The following TRMT61B variants were observed in gnomAD, a reference collection of about 807,000 sequenced individuals.
TRMT61B encodes the protein tRNA (adenine(58)-N(1))-methyltransferase, mitochondrial.
Under a neutral mutation model 52.0 loss-of-function variants are expected in TRMT61B, and 56 were observed. The observed-to-expected ratio is 1.08, with a 90% confidence interval of 0.87 to 1.35. TRMT61B has a LOEUF of 1.35. TRMT61B is among the 40% of genes most tolerant of loss of function. The probability of loss-of-function intolerance (pLI) is 0.00; values close to 1 mark genes in which losing one functional copy is unlikely to be tolerated. For synonymous variants in TRMT61B, 206 were observed against 220.0 expected (o/e 0.94, Z 0.56); for missense variants, 650 against 577.9 (o/e 1.12, Z -1.28).
intron 2 of TRMT61B, chr2:28,861,559 T>C (rs1669598204): frequency 2.3e-6 from 1 of 429,508 alleles, no homozygotes; most frequent in Non-Finnish European, 4.2e-6. Context: ...CTCTCTGTGT[T>C]TTTAATACAC....
rs1232315113 is a variant in TRMT61B, at chr2:28,869,749, A to G, written c.529T>C (p.Phe177Leu). The G allele has an allele frequency of 2.5e-6, 4 of 1,614,180 alleles. No individual in the cohort carries two copies. The highest frequency in any genetic ancestry group is 3.4e-6 in the Non-Finnish European group (4 of 1,180,036). ...KFKKLFRLNN[F>L]GLLNSNWGAV... ...CCCCAGTTACTATTTAAGAGTCCGA[A>G]GTTGTTCAACCTAAATAATTTCTTA... The change falls in exon 1 of 7, where the codon TTC becomes CTC. Residue 177 changes from phenylalanine (F) to leucine (L), a missense_variant. Phe to Leu is a conservative substitution (Grantham distance 22). Transcript: ENST00000306108.
At position 28,852,507 on chromosome 2, in the gene TRMT61B, G is replaced by A. The variant is rs760834028; in HGVS notation, c.994-8C>T. ...TAACATATCCAAAGCTACCTGTGTG[G>A]GGGAAAAAGAGAACTGGATCAGTCT... On this transcript the variant is annotated splice_polypyrimidine_tract_variant and splice_region_variant and intron_variant, in intron 3 of 6. Transcript: ENST00000306108. The A allele has an allele frequency of 1.9e-6, 3 of 1,575,742 alleles. No homozygotes were observed. Among genetic ancestry groups the A allele is most frequent in the Non-Finnish European group, 2.6e-6 (3 of 1,153,902 alleles).
intron 1 of TRMT61B, among the ~76,000 whole-genome samples, chr2:28,867,800 T>G (rs1280938001): frequency 2.6e-5 from 4 of 152,090 alleles, no homozygotes; most frequent in Non-Finnish European, 5.9e-5. Flanking sequence ...CGTTCTCACC[T>G]GTAATCCCAG....
Position 28,852,408 on chromosome 2 carries a change from T to G in TRMT61B, c.1085A>C (p.Asn362Thr). Residue 362 changes from asparagine to threonine, a missense_variant and splice_region_variant, in exon 4 of 7, where the codon AAC becomes ACC. Transcript: ENST00000306108. ...AAAGAAAAACAGTTATATTACTCACTTTACTACATATACAGCACATACACC... is the reference window on the plus strand; with the variant it reads ...AAAGAAAAACAGTTATATTACTCACGTTACTACATATACAGCACATACACC... ...HGGVCAVYVV[N>T]ITQVIELLDG... 1.9e-6 allele frequency: 3 copies of G among 1,566,508 alleles called. No individual in the cohort carries two copies. Among genetic ancestry groups the G allele is most frequent in the Non-Finnish European group, 2.6e-6 (3 of 1,145,732 alleles).
At chr2:28,862,340 T>TG (rs1022967154) in intron 2 of TRMT61B, among the ~76,000 whole-genome samples, 1 of 145,438 alleles carries the variant, frequency 6.9e-6, no homozygotes, top group Admixed American at 6.8e-5. Context: ...TTGGTTTTTT[T>TG]TTTTTTTTTT....
At chr2:28,861,576 G>A in intron 2 of TRMT61B, 1 of 388,770 alleles carries the variant, frequency 2.6e-6, no homozygotes, top group Admixed American at 4.3e-5. Context: ...ACACACTGTG[G>A]TGTATTATAC....
chr2:28,858,190 G>T (rs985256118), intron 3 of TRMT61B, among the ~76,000 whole-genome samples: 1 of 151,804 alleles, frequency 6.6e-6, no homozygotes, highest in African/African-American at 2.4e-5. Flanking sequence ...ACAGGCACCC[G>T]CCACCAGGCC....
chr2:28,853,133 G>A (rs138638159), intron 3 of TRMT61B, among the ~76,000 whole-genome samples: 16 of 151,584 alleles, frequency 1.1e-4, no homozygotes, highest in African/African-American at 2.9e-4. Context: ...TGTAAAACAC[G>A]CCATTACAAC....
chr2:28,851,076 G>A lies in TRMT61B; in HGVS notation c.1308C>T (p.Asp436=), dbSNP rs779066452. 1.3e-6 allele frequency: 2 copies of A among 1,598,470 alleles called. No individual in the cohort carries two copies. Among genetic ancestry groups the A allele is most frequent in the Non-Finnish European group, 1.7e-6 (2 of 1,172,806 alleles). ...GVKGELFQED[D]HEESHSDFPY... ...TAAAGTAAAACTGAAGCTCACCATGGTCATCCTCTTGAAACAGCTCACCTT... is the reference window on the plus strand; with the variant it reads ...TAAAGTAAAACTGAAGCTCACCATGATCATCCTCTTGAAACAGCTCACCTT... Residue 436 remains aspartate (D), a synonymous_variant, in exon 5 of 7, where the codon GAC becomes GAT. Transcript: ENST00000306108.
In TRMT61B at chr2:28,850,360, G is replaced by A. The variant is rs933445127; in HGVS notation, c.1358C>T (p.Ala453Val). The A allele has an allele frequency of 4.3e-6, 7 of 1,610,684 alleles. No homozygotes were observed. In the Admixed American group the frequency reaches 1.2e-4, roughly 27 times the overall value. Residue 453 changes from alanine to valine, a missense_variant, in exon 6 of 7, where the codon GCT (alanine) becomes GTT (valine). Ala to Val is a moderately conservative substitution (Grantham distance 64, BLOSUM62 0). Coordinates refer to ENST00000306108, the MANE Select transcript of TRMT61B (RefSeq NM_017910.4). ...ACCAGGTTGCCAGTGTACTGGTCTA[G>A]CAACATAGGGAAATGATCCATATGG... ...DFPYGSFPYV[A>V]RPVHWQPGHT...
At position 28,870,186 on chromosome 2, in the gene TRMT61B, G is replaced by T; in HGVS notation, c.92C>A (p.Pro31His). The change falls in exon 1 of 7, where the codon CCC (proline) becomes CAC (histidine). Residue 31 changes from proline (P) to histidine (H), a missense_variant. Transcript: ENST00000306108. The stretch of plus-strand genomic sequence containing the variant: ...ACACAGTGACCGAGCTCCCTCGAAG[G>T]GCTCCTGCCCCAGGCCGTGCAGGAA... Reference protein sequence around the residue: ...NSFLHGLGQEPFEGARSLCCR... With the variant: ...NSFLHGLGQEHFEGARSLCCR... 6.2e-7 allele frequency: 1 copy of T among 1,613,216 alleles called. No individual in the cohort carries two copies. Among genetic ancestry groups the T allele is most frequent in the Non-Finnish European group, 8.5e-7 (1 of 1,180,034 alleles).
intron 1 of TRMT61B, among the ~76,000 whole-genome samples, chr2:28,866,786 GT>G (rs1669868282): frequency 6.6e-6 from 1 of 152,068 alleles, no homozygotes; most frequent in Non-Finnish European, 1.5e-5. Flanking sequence ...AATAAAAACT[GT>G]TTTTTTAAAT....
At chr2:28,859,479 A>G (rs1669504547) in intron 3 of TRMT61B, among the ~76,000 whole-genome samples, 1 of 152,178 alleles carries the variant, frequency 6.6e-6, no homozygotes, top group African/African-American at 2.4e-5. Flanking sequence ...CGTTCTTAAG[A>G]AAAGGAAATT....
At chr2:28,853,962 TA>T (rs1307631298) in intron 3 of TRMT61B, among the ~76,000 whole-genome samples, 1 of 152,174 alleles carries the variant, frequency 6.6e-6, no homozygotes, top group African/African-American at 2.4e-5. Context: ...AAAAATTAAT[TA>T]AAAACAAAAA....
At chr2:28,868,460 G>C (rs747440691) in intron 1 of TRMT61B, among the ~76,000 whole-genome samples, 1 of 152,154 alleles carries the variant, frequency 6.6e-6, no homozygotes, top group Admixed American at 6.5e-5. Flanking sequence ...TACTGGAAAT[G>C]ACCTTATTCT....
chr2:28,857,969 A>C (rs1326495757), intron 3 of TRMT61B, among the ~76,000 whole-genome samples: 1 of 152,132 alleles, frequency 6.6e-6, no homozygotes, highest in East Asian at 1.9e-4. Context: ...TAGCTAGAGT[A>C]CATTTATTGT....
At position 28,849,853 on chromosome 2, in the gene TRMT61B, T is replaced by G; in HGVS notation, c.*346A>C. ...TAAAATGCATATTTTATTTCAGTAG[T>G]CAATGACCATCAATCAAATAAAGGA... On this transcript the variant is annotated 3_prime_UTR_variant, in exon 7 of 7. Coordinates refer to ENST00000306108, the MANE Select transcript of TRMT61B (RefSeq NM_017910.4). 1 of 1,532,822 alleles carries G rather than the reference T, an allele frequency of 6.5e-7. No individual in the cohort carries two copies. Among genetic ancestry groups the G allele is most frequent in the Non-Finnish European group, 8.9e-7 (1 of 1,125,044 alleles). The allele number at this position is 1,532,822 out of a possible 1,614,324, so 95.0% of individuals were successfully genotyped here.
rs1669004735 is a variant in TRMT61B at position 28,850,027 on chromosome 2, C to T, written c.*172G>A. The T allele has an allele frequency of 3.2e-6, 4 of 1,241,702 alleles. No homozygotes were observed. Among genetic ancestry groups the T allele is most frequent in the Non-Finnish European group, 2.3e-6 (2 of 867,626 alleles). The allele number at this position is 1,241,702 out of a possible 1,614,324, so 76.9% of individuals were successfully genotyped here. A position where few individuals can be genotyped will look rare whatever the true frequency, so the allele number is the denominator to read the frequency against. ...CAAGTGTCAAAATGGGATGTTTAAGCAGTTTTGCTATGTTATACATCTTTT... is the reference window on the plus strand; with the variant it reads ...CAAGTGTCAAAATGGGATGTTTAAGTAGTTTTGCTATGTTATACATCTTTT... On this transcript the variant is annotated 3_prime_UTR_variant, in exon 7 of 7. Transcript: ENST00000306108.
At chr2:28,854,037 G>C (rs1308788203) in intron 3 of TRMT61B, among the ~76,000 whole-genome samples, 1 of 152,082 alleles carries the variant, frequency 6.6e-6, no homozygotes, top group African/African-American at 2.4e-5. Flanking sequence ...AGAAAGCTTA[G>C]AGATATGCTG....
Sources: gnomAD v4.1 joint callset for allele counts (sites outside exome capture counted in the v4.1 genomes callset) on GRCh38, gnomAD v4.1.1 for gene constraint, MANE v1.5 for transcripts, NCBI Gene and HGNC (gene_info 2026-07-23, HGNC 2026-07-21) for gene names.